Variants in COL10A1 observed in about 807,000 individuals in gnomAD.
COL10A1 encodes collagen alpha-1(X) chain.
COL10A1 carries 10 observed loss-of-function variants against 18.2 expected under a neutral mutation model. That is an observed-to-expected ratio of 0.55 (90% CI 0.34 to 0.93). COL10A1 has a LOEUF of 0.93. Among genes scored for constraint, COL10A1 ranks in the 40% least tolerant of loss-of-function variants. COL10A1 has a pLI of 0.02. For synonymous variants in COL10A1, 330 were observed against 316.6 expected (o/e 1.04, Z -0.45); for missense variants, 897 against 853.5 (o/e 1.05, Z -0.64).
At position 116,121,166 on chromosome 6, in the gene COL10A1, C is replaced by T. The variant is rs1431097270; in HGVS notation, c.950G>A (p.Gly317Glu). ...KGERGPAGLPGGPGAKGEQGP... is the reference protein window; with the variant it reads ...KGERGPAGLPEGPGAKGEQGP... ...TTGTTCCCCTTTGGCACCTGGACCC[C>T]CAGGAAGGCCAGCAGGTCCTCTTTC... Residue 317 changes from glycine (G) to glutamate (E), a missense_variant, in exon 3 of 3, where the codon GGG becomes GAG. Physicochemically the swap from Gly to Glu is moderately conservative, Grantham distance 98. Transcript: ENST00000651968. 6.2e-7 allele frequency: 1 copy of T among 1,613,120 alleles called. No homozygotes were observed. The highest frequency in any genetic ancestry group is 1.1e-5 in the South Asian group (1 of 91,056).
the COL10A1 span, among the ~76,000 whole-genome samples, chr6:116,203,597 A>G: frequency 9.2e-5 from 14 of 152,048 alleles, no homozygotes; most frequent in African/African-American, 3.4e-4. Flanking sequence ...TAATATAACT[A>G]CACCACATTT....
At chr6:116,174,210 C>A in the COL10A1 span, among the ~76,000 whole-genome samples, 1 of 152,188 alleles carries the variant, frequency 6.6e-6, no homozygotes, top group African/African-American at 2.4e-5. Flanking sequence ...TGTAAAGTTA[C>A]TCTTATTCCC....
chr6:116,204,865 C>T, the COL10A1 span, among the ~76,000 whole-genome samples: 3 of 151,966 alleles, frequency 2.0e-5, no homozygotes, highest in Non-Finnish European at 4.4e-5. Flanking sequence ...GTTATAATTA[C>T]ATGGCTAGAT....
chr6:116,207,934 G>A, the COL10A1 span, among the ~76,000 whole-genome samples: 4 of 151,914 alleles, frequency 2.6e-5, no homozygotes, highest in Non-Finnish European at 5.9e-5. Flanking sequence ...TTAGCATAGT[G>A]TATACATACT....
chr6:116,181,775 C>CTA, the COL10A1 span, among the ~76,000 whole-genome samples: 3,792 of 152,020 alleles, frequency 0.025, 143 homozygotes, highest in African/African-American at 0.086. Context: ...TAAATGGGAG[C>CTA]TATATTATGT....
the COL10A1 span, among the ~76,000 whole-genome samples, chr6:116,201,145 G>A: frequency 6.6e-6 from 1 of 151,910 alleles, no homozygotes; most frequent in Non-Finnish European, 1.5e-5. Context: ...TGAGATAAGG[G>A]GATCCTTCAG....
At chr6:116,180,435 G>C in the COL10A1 span, among the ~76,000 whole-genome samples, 1 of 152,000 alleles carries the variant, frequency 6.6e-6, no homozygotes, top group South Asian at 2.1e-4. Flanking sequence ...AATCCCTAAT[G>C]AAATAATGGA....
In COL10A1 at chr6:116,120,333, C is replaced by A; in HGVS notation, c.1783G>T (p.Gly595Ter). ...RTGIFTCQIP[G>*]IYYFSYHVHV... ...ACGTGGTATGAAAAATAGTATATTC[C>A]TGGTATCTGACAAGTAAAGATTCCA... Residue 595 changes from glycine to a stop codon, truncating the protein, a stop_gained, in exon 3 of 3, where the codon GGA becomes TGA. Transcript: ENST00000651968. LOFTEE classifies it high-confidence loss of function. The A allele has an allele frequency of 6.2e-7, 1 of 1,614,196 alleles. No individual in the cohort carries two copies. The highest frequency in any genetic ancestry group is 1.6e-4 in the Middle Eastern group (1 of 6,062).
At chr6:116,178,088 T>C in the COL10A1 span, among the ~76,000 whole-genome samples, 764 of 99,642 alleles carry the variant, frequency 7.7e-3, 6 homozygotes, top group African/African-American at 0.021. Context: ...TGTGTGTGTG[T>C]GCGCGCGCGC....
At chr6:116,124,853 G>A (rs757219733) in intron 2 of COL10A1, among the ~76,000 whole-genome samples, 7 of 152,068 alleles carry the variant, frequency 4.6e-5, no homozygotes, top group African/African-American at 1.7e-4. Context: ...TTCATTGTTG[G>A]GGGGGAGGCC....
the COL10A1 span, among the ~76,000 whole-genome samples, chr6:116,191,631 G>A: frequency 6.6e-6 from 1 of 152,144 alleles, no homozygotes; most frequent in East Asian, 1.9e-4. Flanking sequence ...AGTGCAGTAG[G>A]AAAATACAGT....
At chr6:116,134,930 A>C (rs1779553259) in intron 1 of COL10A1, among the ~76,000 whole-genome samples, 1 of 152,312 alleles carries the variant, frequency 6.6e-6, no homozygotes, top group Admixed American at 6.5e-5. Flanking sequence ...GAATCTTGGG[A>C]GTTTAGAGAG....
rs770109733 is a variant in COL10A1 at position 116,121,342 on chromosome 6, T to A, written c.774A>T (p.Arg258=). The A allele has an allele frequency of 8.1e-6, 13 of 1,613,846 alleles. No individual in the cohort carries two copies. The African/African-American group carries it at 1.7e-4, about 22-fold the overall frequency. Residue 258 remains arginine, a synonymous_variant, in exon 3 of 3, where the codon CGA becomes CGT. Coordinates refer to ENST00000651968, the MANE Select transcript of COL10A1 (RefSeq NM_000493.4). ...PPGPQGPPGE[R]GPEGIGKPGA... is the part of the protein sequence containing the mutation. ...CTGGCTTTCCAATGCCTTCTGGCCC[T>A]CGTTCCCCAGGAGGGCCTTGGGGAC...
At chr6:116,176,395 T>C in the COL10A1 span, among the ~76,000 whole-genome samples, 4 of 152,222 alleles carry the variant, frequency 2.6e-5, no homozygotes, top group Admixed American at 2.6e-4. Context: ...TTCTCTGTTC[T>C]GGCTCAGTCT....
At chr6:116,166,451 GGAA>G in the COL10A1 span, among the ~76,000 whole-genome samples, 1 of 152,298 alleles carries the variant, frequency 6.6e-6, no homozygotes, top group South Asian at 2.1e-4. Context: ...AAATCACAAT[GGAA>G]GAAGGATTTT....
the COL10A1 span, among the ~76,000 whole-genome samples, chr6:116,216,326 T>A: frequency 0.012 from 1,753 of 152,086 alleles, 34 homozygotes; most frequent in African/African-American, 0.04. Flanking sequence ...TTTTATATTT[T>A]ATATTTTATA....
chr6:116,128,194 T>C (rs1779373006), upstream of COL10A1, among the ~76,000 whole-genome samples: 1 of 152,180 alleles, frequency 6.6e-6, no homozygotes, highest in South Asian at 2.1e-4. Context: ...GGTGTCCTTA[T>C]TGAATAAGCC....
chr6:116,190,181 TTC>T, the COL10A1 span, among the ~76,000 whole-genome samples: 2 of 151,958 alleles, frequency 1.3e-5, no homozygotes, highest in African/African-American at 4.8e-5. Context: ...TATGTTCATT[TTC>T]TCCTCTTCCC....
the COL10A1 span, among the ~76,000 whole-genome samples, chr6:116,188,411 A>G: frequency 6.6e-6 from 1 of 152,078 alleles, no homozygotes; most frequent in Non-Finnish European, 1.5e-5. Flanking sequence ...AATATCCCTC[A>G]ATAGTGCAGT....
Sources: gnomAD v4.1 joint callset for allele counts (sites outside exome capture counted in the v4.1 genomes callset) on GRCh38, gnomAD v4.1.1 for gene constraint, MANE v1.5 for transcripts, NCBI Gene and HGNC (gene_info 2026-07-23, HGNC 2026-07-21) for gene names.